Variants in HSPH1 observed in about 807,000 individuals in gnomAD.
HSPH1 encodes the protein heat shock protein 105 kDa.
In HSPH1, 40 loss-of-function variants were observed where a neutral mutation model predicts 100.0. That is an observed-to-expected ratio of 0.40 (90% CI 0.31 to 0.52). The LOEUF (loss-of-function observed/expected upper bound fraction) is 0.52, where lower values mean the gene tolerates loss of function less well. HSPH1 is among the 20% of genes least tolerant of loss of function. The pLI is 0.54. For missense variants in HSPH1, 876 were observed against 1,015.1 expected (o/e 0.86, Z 1.86); for synonymous variants, 403 against 344.0 (o/e 1.17, Z -1.90).
Position 31,151,599 on chromosome 13 carries a change from A to T in HSPH1, c.663+10T>A, listed in dbSNP as rs1235499383. 8.1e-6 allele frequency: 13 copies of T among 1,608,214 alleles called. No homozygotes were observed. The highest frequency in any genetic ancestry group is 1.1e-5 in the Non-Finnish European group (13 of 1,178,106). On this transcript the variant is annotated intron_variant, in intron 6 of 17. Transcript: ENST00000320027. ...TGTTTTGGACACTGAGTTCCAATGT[A>T]TGACTTTACCTTCAATTTTCCCTTG...
At chr13:31,162,272 C>T (rs1165998731), upstream of HSPH1, 3 of 663,274 alleles carry the variant, frequency 4.5e-6, no homozygotes, top group African/African-American at 5.4e-5. Context: ...TAAAGGGAGG[C>T]TGGGCGGGCG....
chr13:31,138,638 C>T, intron 16 of HSPH1, 70 bp from the exon 17 acceptor site: 1 of 1,527,352 alleles, frequency 6.5e-7, no homozygotes, highest in South Asian at 1.3e-5. Flanking sequence ...CTCAACTTTC[C>T]AGGAAGCTCA....
chr13:31,162,147 T>C (rs1444074239), upstream of HSPH1: 13 of 1,488,920 alleles, frequency 8.7e-6, no homozygotes, highest in African/African-American at 2.8e-5. Context: ...CTCCGCCCAC[T>C]CCCGCCCTAG....
At chr13:31,161,916 T>G (rs1180573680), upstream of HSPH1, 9 of 1,512,502 alleles carry the variant, frequency 6.0e-6, no homozygotes, top group African/African-American at 2.8e-5. Context: ...AAAGGGGAGG[T>G]CCCACTTCCT....
upstream of HSPH1, chr13:31,162,118 G>A (rs1252407276): frequency 6.5e-7 from 1 of 1,534,576 alleles, no homozygotes; most frequent in Non-Finnish European, 8.7e-7. Flanking sequence ...CCGCTCCCGT[G>A]CCATTGGCTC....
At chr13:31,152,149 T>C (rs140156545) in intron 5 of HSPH1, 91 of 154,848 alleles carry the variant, frequency 5.9e-4, no homozygotes, top group African/African-American at 1.7e-3. Flanking sequence ...TTTTTAGATC[T>C]GAGCTAAATA....
chr13:31,156,292 A>G (rs1457162659), intron 2 of HSPH1, among the ~76,000 whole-genome samples: 1 of 152,162 alleles, frequency 6.6e-6, no homozygotes. Flanking sequence ...CGGGAGGCTG[A>G]GGCAGGAGAA....
intron 8 of HSPH1, among the ~76,000 whole-genome samples, chr13:31,149,559 C>G (rs965876465): frequency 6.6e-6 from 1 of 152,054 alleles, no homozygotes. Context: ...TTTTCTAAAA[C>G]CATTTGTTAA....
chr13:31,147,906 G>A, intron 10 of HSPH1, 53 bp downstream of exon 10: 2 of 1,458,150 alleles, frequency 1.4e-6, no homozygotes, highest in Non-Finnish European at 9.2e-7. Flanking sequence ...TACAATGAGT[G>A]AGAAGCTAAG....
intron 1 of HSPH1, among the ~76,000 whole-genome samples, chr13:31,161,040 G>A (rs1201993700): frequency 2.0e-5 from 3 of 152,236 alleles, no homozygotes; most frequent in Non-Finnish European, 2.9e-5. Context: ...TATGCGCGAA[G>A]GGAGGAGGAC....
intron 14 of HSPH1, among the ~76,000 whole-genome samples, chr13:31,139,790 CT>C (rs1956023520): frequency 2.0e-5 from 3 of 152,024 alleles, no homozygotes; most frequent in African/African-American, 7.2e-5. Flanking sequence ...AATAACGGGG[CT>C]TAGTAAGCTC....
At chr13:31,151,977 C>G (rs1327045812) in intron 5 of HSPH1, 3 of 447,694 alleles carry the variant, frequency 6.7e-6, no homozygotes, top group Non-Finnish European at 1.2e-5. Flanking sequence ...ATGTGCTAGA[C>G]AAAACATATG....
At chr13:31,162,376 C>T (rs187492703), upstream of HSPH1, 2 of 524,650 alleles carry the variant, frequency 3.8e-6, no homozygotes, top group South Asian at 4.3e-5. Flanking sequence ...CGTAGTCCCG[C>T]TGGGAGAAGT....
chr13:31,158,799 A>G lies in HSPH1; in HGVS notation c.165+7T>C. On this transcript the variant is annotated splice_region_variant and intron_variant, in intron 2 of 17. Transcript: ENST00000320027. ...AAAAGTGATCCGAATTCTCTTAAAG[A>G]ACATACCTGATTTTTGGCTGCAACT... 1 of 1,586,476 alleles carries G rather than the reference A, an allele frequency of 6.3e-7. No homozygotes were observed. Among genetic ancestry groups the G allele is most frequent in the Non-Finnish European group, 8.7e-7 (1 of 1,154,898 alleles).
intron 10 of HSPH1, 152 bp from the exon 11 acceptor site, chr13:31,145,920 A>C (rs1046500957): frequency 2.4e-5 from 15 of 628,436 alleles, no homozygotes; most frequent in Non-Finnish European, 4.2e-5. Flanking sequence ...GTTTGAGACC[A>C]GCCTGGGCAA....
At chr13:31,148,279 A>T in intron 9 of HSPH1, 95 bp downstream of exon 9, 1 of 989,612 alleles carries the variant, frequency 1.0e-6, no homozygotes, top group Non-Finnish European at 1.6e-6. Flanking sequence ...AATGACTACT[A>T]GAGAAGTCAT....
chr13:31,140,656 G>A, intron 13 of HSPH1: 1 of 179,238 alleles, frequency 5.6e-6, no homozygotes, highest in Non-Finnish European at 1.2e-5. Flanking sequence ...ATGTATAACA[G>A]TCACACCACT....
At chr13:31,149,803 G>C in intron 8 of HSPH1, 151 bp downstream of exon 8, 1 of 601,576 alleles carries the variant, frequency 1.7e-6, no homozygotes, top group East Asian at 2.8e-5. Context: ...TTAGATTTGA[G>C]TAGCCTTATC....
In HSPH1 at chr13:31,137,478, T is replaced by G; in HGVS notation, c.2417A>C (p.Lys806Thr). The G allele has an allele frequency of 6.2e-7, 1 of 1,613,746 alleles. No homozygotes were observed. Among genetic ancestry groups the G allele is most frequent in the Non-Finnish European group, 8.5e-7 (1 of 1,179,764 alleles). Residue 806 changes from lysine (K) to threonine (T), a missense_variant, in exon 18 of 18, where the codon AAA becomes ACA. By Grantham distance (78) the Lys-to-Thr change is moderately conservative. Transcript: ENST00000320027. ...CEPVVTQPKP[K>T]IESPKLERTP... is the part of the protein sequence containing the mutation. ...TCTTTCCAGTTTGGGTGATTCAATT[T>G]TTGGTTTCGGTTGTGTTACAACGGG...
Sources: gnomAD v4.1 joint callset for allele counts (sites outside exome capture counted in the v4.1 genomes callset) on GRCh38, gnomAD v4.1.1 for gene constraint, MANE v1.5 for transcripts, NCBI Gene and HGNC (gene_info 2026-07-23, HGNC 2026-07-21) for gene names.